Variants in SCHIP1 observed in about 807,000 individuals in gnomAD.
The protein encoded by SCHIP1 is schwannomin interacting protein 1, also known as schwannomin-interacting protein 1.
In SCHIP1, 8 loss-of-function variants were observed where a neutral mutation model predicts 29.7. The ratio of observed to expected loss-of-function variants is 0.27; its 90% CI spans 0.16 to 0.49. SCHIP1 has a LOEUF of 0.49. Ranked by LOEUF, SCHIP1 falls within the 20% of genes least tolerant of loss-of-function variation. The pLI is 0.99. For synonymous variants in SCHIP1, 76 were observed against 94.9 expected, an observed-to-expected ratio of 0.80 and a Z score of 1.16; for missense variants, 193 against 294.6, an observed-to-expected ratio of 0.66 and a Z score of 2.52.
the SCHIP1 span, among the ~76,000 whole-genome samples, chr3:159,331,843 A>G: frequency 6.6e-6 from 1 of 152,154 alleles, no homozygotes; most frequent in Middle Eastern, 3.2e-3. Context: ...TTCTCTGCTT[A>G]AAGTCATTGA....
At chr3:159,625,405 A>C in the SCHIP1 span, among the ~76,000 whole-genome samples, 1 of 152,172 alleles carries the variant, frequency 6.6e-6, no homozygotes, top group Non-Finnish European at 1.5e-5. Flanking sequence ...ATTAACCAGG[A>C]AGCTTATGGG....
At chr3:159,839,292 A>G (rs1421313753), upstream of SCHIP1, among the ~76,000 whole-genome samples, 10,063 of 144,204 alleles carry the variant, frequency 0.07, 1,065 homozygotes, top group African/African-American at 0.24. Flanking sequence ...CTTACATTAA[A>G]AAAAAAAAAA....
chr3:159,694,844 C>T, the SCHIP1 span, among the ~76,000 whole-genome samples: 3 of 152,170 alleles, frequency 2.0e-5, no homozygotes, highest in African/African-American at 7.2e-5. Flanking sequence ...TCCAACTGAG[C>T]ATCTCAATTA....
chr3:159,441,799 C>T, the SCHIP1 span, among the ~76,000 whole-genome samples: 1 of 151,950 alleles, frequency 6.6e-6, no homozygotes, highest in Non-Finnish European at 1.5e-5. Flanking sequence ...GAGAGTTTTG[C>T]AGAGGAAGTC....
the SCHIP1 span, among the ~76,000 whole-genome samples, chr3:159,535,123 AC>A: frequency 6.6e-6 from 1 of 152,144 alleles, no homozygotes; most frequent in African/African-American, 2.4e-5. Flanking sequence ...TGAAACAGGC[AC>A]CCTATTGAGA....
At chr3:159,476,453 T>C in the SCHIP1 span, among the ~76,000 whole-genome samples, 1 of 152,172 alleles carries the variant, frequency 6.6e-6, no homozygotes, top group African/African-American at 2.4e-5. Flanking sequence ...TTTGAAGAGG[T>C]AAGCTGTTGC....
At chr3:159,694,596 GAAAGAAA>G in the SCHIP1 span, among the ~76,000 whole-genome samples, 1 of 137,006 alleles carries the variant, frequency 7.3e-6, no homozygotes, top group Non-Finnish European at 1.6e-5. Flanking sequence ...AAGAAAGAAA[GAAAGAAA>G]GAAAGGAATT....
At chr3:159,415,458 C>T in the SCHIP1 span, among the ~76,000 whole-genome samples, 1 of 152,170 alleles carries the variant, frequency 6.6e-6, no homozygotes, top group Admixed American at 6.6e-5. Context: ...CCACCCTCTA[C>T]CCTCAAGTAC....
chr3:159,812,236 G>T, the SCHIP1 span, among the ~76,000 whole-genome samples: 1,965 of 152,206 alleles, frequency 0.013, 42 homozygotes, highest in African/African-American at 0.045. Context: ...CTCCGAAAGT[G>T]CTGGGATTAC....
At chr3:159,505,711 A>G in the SCHIP1 span, among the ~76,000 whole-genome samples, 4 of 152,064 alleles carry the variant, frequency 2.6e-5, no homozygotes, top group Non-Finnish European at 5.9e-5. Flanking sequence ...TATGAGTGAG[A>G]ACATGAGGTG....
the SCHIP1 span, among the ~76,000 whole-genome samples, chr3:159,572,917 T>G: frequency 6.7e-6 from 1 of 150,310 alleles, no homozygotes; most frequent in East Asian, 2.0e-4. Flanking sequence ...TATCACAGAC[T>G]AGGATTGCAA....
At chr3:159,391,468 T>TTTAG in the SCHIP1 span, among the ~76,000 whole-genome samples, 7 of 152,286 alleles carry the variant, frequency 4.6e-5, no homozygotes, top group South Asian at 6.2e-4. Context: ...AAGGAAAACC[T>TTTAG]TTAGATATCT....
the SCHIP1 span, among the ~76,000 whole-genome samples, chr3:159,400,268 G>A: frequency 8.3e-4 from 127 of 152,348 alleles, no homozygotes; most frequent in South Asian, 3.5e-3. Context: ...TTACTTGTGA[G>A]AATTGAGGAA....
the SCHIP1 span, among the ~76,000 whole-genome samples, chr3:159,750,141 T>C: frequency 6.6e-6 from 1 of 151,656 alleles, no homozygotes; most frequent in Admixed American, 6.6e-5. Context: ...ATTGACATCA[T>C]ATACTAAATT....
the SCHIP1 span, among the ~76,000 whole-genome samples, chr3:159,596,022 A>C: frequency 1.3e-5 from 2 of 152,264 alleles, no homozygotes; most frequent in Non-Finnish European, 2.9e-5. Flanking sequence ...GGCAACCTAC[A>C]GAATGGGAGA....
chr3:159,553,533 A>G, the SCHIP1 span, among the ~76,000 whole-genome samples: 2 of 152,244 alleles, frequency 1.3e-5, no homozygotes, highest in Admixed American at 1.3e-4. Flanking sequence ...TAGAACTTTA[A>G]TAACAGGATG....
At chr3:159,852,984 A>G (rs1390715295) in intron 1 of SCHIP1, 1 of 162,234 alleles carries the variant, frequency 6.2e-6, no homozygotes, top group Admixed American at 6.5e-5. Flanking sequence ...CTCGGCCCTG[A>G]ACGCGGAGTT....
the SCHIP1 span, among the ~76,000 whole-genome samples, chr3:159,349,213 T>C: frequency 6.6e-6 from 1 of 152,224 alleles, no homozygotes; most frequent in Non-Finnish European, 1.5e-5. Flanking sequence ...TCATTGATTT[T>C]TTTACCAGTG....
chr3:159,861,638 T>G lies in SCHIP1; in HGVS notation c.31-4525T>G, dbSNP rs1209994118. 6.6e-6 allele frequency among the ~76,000 whole-genome samples: 1 copy of G among 152,196 alleles called. No homozygotes were observed. The highest frequency in any genetic ancestry group is 1.5e-5 in the Non-Finnish European group (1 of 68,040). Reference sequence around the variant, plus strand: ...GAATAGCGGTGAGTTTCTAATCACATTTTTACTTTCATCTGGGGCTTGAAT... The same window carrying G: ...GAATAGCGGTGAGTTTCTAATCACAGTTTTACTTTCATCTGGGGCTTGAAT... On this transcript the variant is annotated intron_variant, in intron 1 of 6. Coordinates refer to ENST00000445224, the Ensembl canonical transcript of SCHIP1. The surrounding 1 kb of genome is among the most constrained non-coding windows in gnomAD (Gnocchi z 4.1).
Sources: gnomAD v4.1 joint callset for allele counts (sites outside exome capture counted in the v4.1 genomes callset) on GRCh38, gnomAD v4.1.1 for gene constraint, Gnocchi (gnomAD v3.1) non-coding constraint, MANE v1.5 for transcripts, NCBI Gene and HGNC (gene_info 2026-07-23, HGNC 2026-07-21) for gene names.